The following STXBP6 variants were observed in gnomAD, a reference collection of about 807,000 sequenced individuals.
STXBP6 encodes the protein syntaxin-binding protein 6.
In STXBP6, 21 loss-of-function variants were observed where a neutral mutation model predicts 26.9. That is an observed-to-expected ratio of 0.78 (90% CI 0.55 to 1.12). The LOEUF is 1.12. Ranked by LOEUF, STXBP6 falls within the 50% of genes most tolerant of loss-of-function variation. The probability of loss-of-function intolerance (pLI) is 0.00; values close to 1 mark genes in which losing one functional copy is unlikely to be tolerated. For missense variants in STXBP6, 232 were observed against 257.9 expected (o/e 0.90, Z 0.69); for synonymous variants, 97 against 92.6 (o/e 1.05, Z -0.27).
chr14:24,892,665 C>T lies in STXBP6; in HGVS notation c.155-35508G>A, dbSNP rs1329647481. ...CCAGAGCAGGTTTCTGAACTCTGGT[C>T]CTTGTGCTCTGGCATCCCATTGACA... On this transcript the variant is annotated intron_variant, in intron 2 of 5. Coordinates refer to ENST00000323944, the MANE Select transcript of STXBP6 (RefSeq NM_001394410.1). Among the ~76,000 whole-genome samples, 6 of 152,166 alleles carry T rather than the reference C, an allele frequency of 3.9e-5. No homozygotes were observed. The East Asian group carries it at 9.6e-4, about 24-fold the overall frequency.
At chr14:24,938,757 G>A (rs555932546) in intron 2 of STXBP6, among the ~76,000 whole-genome samples, 3 of 152,134 alleles carry the variant, frequency 2.0e-5, no homozygotes, top group South Asian at 4.1e-4. Context: ...CCTCCATAAC[G>A]ATCTGCTCCC....
chr14:24,957,672 A>AT (rs1273126265), intron 2 of STXBP6, among the ~76,000 whole-genome samples: 2 of 152,130 alleles, frequency 1.3e-5, no homozygotes, highest in African/African-American at 2.4e-5. Context: ...TTCTCCCACA[A>AT]TTTTTTTAAG....
At chr14:24,858,650 T>C (rs775354067) in intron 2 of STXBP6, among the ~76,000 whole-genome samples, 8 of 152,148 alleles carry the variant, frequency 5.3e-5, no homozygotes, top group Non-Finnish European at 1.2e-4. Context: ...CAGGCAGTAT[T>C]ACCAGTCTGC....
intron 2 of STXBP6, among the ~76,000 whole-genome samples, chr14:24,912,725 T>C (rs2071619239): frequency 6.6e-6 from 1 of 152,156 alleles, no homozygotes; most frequent in African/African-American, 2.4e-5. Flanking sequence ...CTGGTGCTGT[T>C]CTGCAATAAG....
At chr14:25,005,378 T>C (rs1005643426) in intron 1 of STXBP6, among the ~76,000 whole-genome samples, 2 of 152,168 alleles carry the variant, frequency 1.3e-5, no homozygotes, top group African/African-American at 2.4e-5. Flanking sequence ...ATCACTATGG[T>C]TGGTCATTGT....
At position 25,024,206 on chromosome 14, in the gene STXBP6, T is replaced by G. The variant is rs557360227; in HGVS notation, c.-33+25672A>C. 4.2e-3 allele frequency among the ~76,000 whole-genome samples: 637 copies of G among 151,982 alleles called. 19 individuals are homozygous for G. The highest frequency in any genetic ancestry group is 0.037 in the Admixed American group (561 of 15,242). On this transcript the variant is annotated intron_variant, in intron 1 of 5. Transcript: ENST00000323944. ...CGCCTGTAGTCCCAGCTACTCAGGATGCTGAGGCAGAAGAATTGCTTTAAC... is the reference window on the plus strand; with the variant it reads ...CGCCTGTAGTCCCAGCTACTCAGGAGGCTGAGGCAGAAGAATTGCTTTAAC...
At chr14:25,006,143 G>C (rs2074892585) in intron 1 of STXBP6, among the ~76,000 whole-genome samples, 1 of 152,208 alleles carries the variant, frequency 6.6e-6, no homozygotes, top group South Asian at 2.1e-4. Context: ...GAGAACTGGT[G>C]AATGAGGTGT....
intron 2 of STXBP6, among the ~76,000 whole-genome samples, chr14:24,888,140 T>C (rs2070656661): frequency 6.6e-6 from 1 of 152,246 alleles, no homozygotes; most frequent in South Asian, 2.1e-4. Context: ...CCTTTACTTG[T>C]GGTTTCTCTT....
Position 25,036,214 on chromosome 14 carries a change from C to CAA in STXBP6, c.-33+13662_-33+13663dup, listed in dbSNP as rs559433301. Among the ~76,000 whole-genome samples, 117 of 80,702 alleles carry CAA rather than the reference C, an allele frequency of 1.4e-3. 1 individual carries two copies. Among genetic ancestry groups the CAA allele is most frequent in the African/African-American group, 3.8e-3 (106 of 27,630 alleles). 52.9% of individuals were successfully genotyped at this position (80,702 alleles called of 152,430 possible). A position where few individuals can be genotyped will look rare whatever the true frequency, so the allele number is the denominator to read the frequency against. The stretch of plus-strand genomic sequence containing the variant: ...CCTAGGCAACAGAGCAAGACTCCAT[C>CAA]AAAAAAAAAAAAAAAAAAAAAAAAA... On this transcript the variant is annotated intron_variant, in intron 1 of 5. Coordinates refer to ENST00000323944, the MANE Select transcript of STXBP6 (RefSeq NM_001394410.1).
intron 1 of STXBP6, among the ~76,000 whole-genome samples, chr14:25,040,174 C>CTGTGTGTGAGG: frequency 6.6e-6 from 1 of 152,296 alleles, no homozygotes; most frequent in East Asian, 1.9e-4. Flanking sequence ...GTGTGAATGG[C>CTGTGTGTGAGG]CTCACTCCCA....
chr14:24,958,123 A>T (rs527393545), intron 2 of STXBP6, among the ~76,000 whole-genome samples: 1 of 152,322 alleles, frequency 6.6e-6, no homozygotes, highest in East Asian at 1.9e-4. Flanking sequence ...AACAAAACAA[A>T]GTTCTAATTG....
chr14:25,048,021 A>C (rs2075751778), intron 1 of STXBP6, among the ~76,000 whole-genome samples: 1 of 152,186 alleles, frequency 6.6e-6, no homozygotes, highest in African/African-American at 2.4e-5. Context: ...AAATATGAGG[A>C]CTGGAGCTCC....
chr14:24,949,703 C>T (rs974533643), intron 2 of STXBP6, among the ~76,000 whole-genome samples: 2 of 152,166 alleles, frequency 1.3e-5, no homozygotes, highest in Non-Finnish European at 2.9e-5. Context: ...AAAGCTGCCT[C>T]CTTACATATT....
At position 24,971,242 on chromosome 14, in the gene STXBP6, C is replaced by T. The variant is rs548642198; in HGVS notation, c.154+3423G>A. On this transcript the variant is annotated intron_variant, in intron 2 of 5. Transcript: ENST00000323944. ...ACTAGATATTGGGAAAAAAATCACA[C>T]AAAGAAAAGTTAGTAAGAGACATTG... Among the ~76,000 whole-genome samples the T allele has an allele frequency of 6.6e-5, 10 of 152,200 alleles. No individual in the cohort carries two copies. The South Asian group carries it at 2.1e-3, about 32-fold the overall frequency.
chr14:24,967,474 A>G (rs2073771488), intron 2 of STXBP6, among the ~76,000 whole-genome samples: 1 of 152,218 alleles, frequency 6.6e-6, no homozygotes, highest in Non-Finnish European at 1.5e-5. Context: ...ACCAATGGCT[A>G]TTGTTTTACA....
chr14:24,963,109 C>A lies in STXBP6; in HGVS notation c.154+11556G>T, dbSNP rs551708085. Among the ~76,000 whole-genome samples the A allele has an allele frequency of 3.3e-5, 5 of 151,866 alleles. 1 individual carries two copies. In the East Asian group the frequency reaches 7.7e-4, roughly 24 times the overall value. ...GCATGATTTTCCCATTGTTTTTTTC[C>A]CCTTGGTTTCATGTTTTTTATAACT... On this transcript the variant is annotated intron_variant, in intron 2 of 5. Transcript: ENST00000323944.
intron 2 of STXBP6, among the ~76,000 whole-genome samples, chr14:24,925,720 C>T (rs2072139100): frequency 6.6e-6 from 1 of 152,144 alleles, no homozygotes; most frequent in Non-Finnish European, 1.5e-5. Flanking sequence ...AATTGCTTAA[C>T]TAGTTGACTT....
chr14:24,865,778 A>T (rs780544306), intron 2 of STXBP6, among the ~76,000 whole-genome samples: 3 of 152,160 alleles, frequency 2.0e-5, no homozygotes, highest in Non-Finnish European at 4.4e-5. Flanking sequence ...TGGTATGAAG[A>T]TTATATGGTA....
intron 2 of STXBP6, among the ~76,000 whole-genome samples, chr14:24,938,288 G>A (rs2072673774): frequency 6.6e-6 from 1 of 152,096 alleles, no homozygotes. Context: ...CTAGGCTTAG[G>A]ATGGTTTATC....
Sources: gnomAD v4.1 joint callset for allele counts (sites outside exome capture counted in the v4.1 genomes callset) on GRCh38, gnomAD v4.1.1 for gene constraint, MANE v1.5 for transcripts, NCBI Gene and HGNC (gene_info 2026-07-23, HGNC 2026-07-21) for gene names.